The following FAM193A variants were observed in gnomAD, a reference collection of about 807,000 sequenced individuals.
The protein encoded by FAM193A is family with sequence similarity 193 member A.
FAM193A carries 22 observed loss-of-function variants against 126.5 expected under a neutral mutation model. The ratio of observed to expected loss-of-function variants is 0.17; its 90% CI spans 0.12 to 0.25. The LOEUF (loss-of-function observed/expected upper bound fraction) is 0.25. FAM193A is among the 10% of genes least tolerant of loss of function. The pLI is 1.00. For missense variants in FAM193A, 1,675 were observed against 1,672.8 expected (o/e 1.00, Z -0.02); for synonymous variants, 761 against 646.8 (o/e 1.18, Z -2.68).
chr4:2,692,408 A>G (rs1214097584), intron 15 of FAM193A, among the ~76,000 whole-genome samples: 1 of 152,188 alleles, frequency 6.6e-6, no homozygotes, highest in Non-Finnish European at 1.5e-5. Flanking sequence ...AAAATTCAAG[A>G]TGAGATTTGT....
chr4:2,681,214 T>G (rs1715074263), intron 13 of FAM193A, among the ~76,000 whole-genome samples: 1 of 152,070 alleles, frequency 6.6e-6, no homozygotes. Flanking sequence ...TTATAGTAAT[T>G]TGAGTCTTTT....
At chr4:2,646,578 G>A in intron 6 of FAM193A, 107 bp from the exon 7 acceptor site, 2 of 1,209,606 alleles carry the variant, frequency 1.7e-6, no homozygotes, top group Non-Finnish European at 2.3e-6. Flanking sequence ...TTCCACGTTG[G>A]GAGGCGAGAT....
At chr4:2,586,165 C>T (rs562841120) in intron 1 of FAM193A, among the ~76,000 whole-genome samples, 312 of 152,008 alleles carry the variant, frequency 2.1e-3, no homozygotes, top group Middle Eastern at 0.017. Context: ...ATCACTTGAA[C>T]CCAGGAGGGA....
intron 17 of FAM193A, among the ~76,000 whole-genome samples, chr4:2,695,483 G>A (rs1335515031): frequency 2.6e-5 from 4 of 152,128 alleles, no homozygotes; most frequent in Middle Eastern, 3.2e-3. Context: ...TACAGAGGGC[G>A]TTGGTACACA....
At chr4:2,698,939 T>C (rs979871464) in intron 18 of FAM193A, among the ~76,000 whole-genome samples, 5 of 152,242 alleles carry the variant, frequency 3.3e-5, no homozygotes, top group African/African-American at 1.2e-4. Flanking sequence ...AGTTCTTTAC[T>C]ACACATTGCT....
rs371353439 is a variant in FAM193A, at chr4:2,676,743, C to T, written c.2331+4371C>T. Among the ~76,000 whole-genome samples, 23 of 152,192 alleles carry T rather than the reference C, an allele frequency of 1.5e-4. No individual in the cohort carries two copies. The East Asian group carries it at 2.5e-3, about 17-fold the overall frequency. ...GGATCACGAGGTCAGGAGGTCGAGA[C>T]CATCCTGGCTAACACAGTGAAACCC... On this transcript the variant is annotated intron_variant, in intron 13 of 20. Coordinates refer to ENST00000637812, the MANE Select transcript of FAM193A (RefSeq NM_001366318.2).
chr4:2,628,183 C>T (rs546922497), intron 4 of FAM193A, among the ~76,000 whole-genome samples: 56 of 152,296 alleles, frequency 3.7e-4, no homozygotes, highest in African/African-American at 1.1e-3. Flanking sequence ...CGCGCCCCGC[C>T]GGGAGTTTTA....
intron 19 of FAM193A, among the ~76,000 whole-genome samples, chr4:2,705,251 T>C (rs1426867409): frequency 6.6e-6 from 1 of 152,226 alleles, no homozygotes. Context: ...CTTTTACTCA[T>C]GCAGTATGCT....
rs1258106272 is a variant in FAM193A, at chr4:2,662,930, A to G, written c.1838A>G (p.Asn613Ser). 1.2e-6 allele frequency: 2 copies of G among 1,613,924 alleles called. No individual in the cohort carries two copies. Among genetic ancestry groups the G allele is most frequent in the Non-Finnish European group, 8.5e-7 (1 of 1,179,776 alleles). Residue 613 changes from asparagine to serine, a missense_variant, in exon 11 of 21, where the codon AAC (asparagine) becomes AGC (serine). Asn to Ser is a conservative substitution (Grantham distance 46). This residue lies in a region of FAM193A where 1,186 missense variants were observed against 1,109.2 expected (regional missense o/e 1.07). Coordinates refer to ENST00000637812, the MANE Select transcript of FAM193A (RefSeq NM_001366318.2). ...TATGATGATACCGAGGTGGTGGCCA[A>G]CATGAATGGAATCCACAGCGAATTG... The part of the protein sequence containing the change: ...SNYDDTEVVA[N>S]MNGIHSELNG...
chr4:2,699,735 T>G lies in FAM193A; in HGVS notation c.3563T>G (p.Leu1188Arg). 1 of 1,613,690 alleles carries G rather than the reference T, an allele frequency of 6.2e-7. No homozygotes were observed. Among genetic ancestry groups the G allele is most frequent in the Non-Finnish European group, 8.5e-7 (1 of 1,179,948 alleles). The change falls in exon 19 of 21, where the codon CTC becomes CGC. Residue 1188 changes from leucine (L) to arginine (R), a missense_variant. Leu to Arg is a moderately radical substitution (Grantham distance 102). This residue lies in a region of FAM193A where 415 missense variants were observed against 396.7 expected (regional missense o/e 1.05). Coordinates refer to ENST00000637812, the MANE Select transcript of FAM193A (RefSeq NM_001366318.2). ...GCCAGGGCCCGGGAGCACCTGCACC[T>G]CCAGGAGGAGCAGAGGCGGCGGGAG... ...AEARAREHLHLQEEQRRREEE... is the reference protein window; with the variant it reads ...AEARAREHLHRQEEQRRREEE...
chr4:2,598,555 A>G (rs1001041282), intron 2 of FAM193A, among the ~76,000 whole-genome samples: 3 of 152,216 alleles, frequency 2.0e-5, no homozygotes, highest in Non-Finnish European at 4.4e-5. Flanking sequence ...GGGGTCTCAT[A>G]AAATGAGTTA....
chr4:2,685,803 G>C (rs1252642397), intron 13 of FAM193A, among the ~76,000 whole-genome samples: 1 of 152,174 alleles, frequency 6.6e-6, no homozygotes, highest in Non-Finnish European at 1.5e-5. Flanking sequence ...CTAGCTCCTG[G>C]ATAAACTCAG....
chr4:2,609,329 CG>C, intron 2 of FAM193A, among the ~76,000 whole-genome samples: 1 of 152,132 alleles, frequency 6.6e-6, no homozygotes, highest in Non-Finnish European at 1.5e-5. Context: ...GTGGGAGATA[CG>C]GTGAGGGGAT....
chr4:2,574,871 G>A (rs1447723673), intron 1 of FAM193A, among the ~76,000 whole-genome samples: 4 of 152,170 alleles, frequency 2.6e-5, no homozygotes, highest in African/African-American at 7.2e-5. Context: ...CGTATTGGAA[G>A]CATTGAAAAG....
intron 2 of FAM193A, chr4:2,615,001 A>G (rs984357497): frequency 2.6e-5 from 4 of 152,144 alleles, no homozygotes; most frequent in African/African-American, 9.7e-5. Context: ...GACTGGCTAG[A>G]TAATTTAACT....
At chr4:2,548,811 A>G (rs889847146) in intron 1 of FAM193A, among the ~76,000 whole-genome samples, 5 of 151,584 alleles carry the variant, frequency 3.3e-5, no homozygotes, top group Middle Eastern at 6.8e-3. Flanking sequence ...CCGTTTACCA[A>G]TTTTTTCTTT....
intron 13 of FAM193A, among the ~76,000 whole-genome samples, chr4:2,680,177 A>G (rs971545349): frequency 2.0e-5 from 3 of 151,896 alleles, no homozygotes; most frequent in African/African-American, 7.3e-5. Context: ...GTGGTTTTTG[A>G]TTACCAGTTC....
intron 1 of FAM193A, among the ~76,000 whole-genome samples, chr4:2,573,724 G>T (rs1462512024): frequency 6.6e-6 from 1 of 152,114 alleles, no homozygotes; most frequent in Non-Finnish European, 1.5e-5. Context: ...CTACTGCCTG[G>T]AGCTGACTTT....
intron 1 of FAM193A, among the ~76,000 whole-genome samples, chr4:2,550,478 C>T (rs1737846924): frequency 6.6e-6 from 1 of 152,136 alleles, no homozygotes; most frequent in African/African-American, 2.4e-5. Context: ...CTCTTGGTGC[C>T]CAGGCTGCAG....
Sources: allele counts gnomAD v4.1 joint callset (sites outside exome capture counted in the v4.1 genomes callset), GRCh38; gene constraint gnomAD v4.1.1; regional missense constraint gnomAD v4.1.1; transcripts MANE v1.5; gene names NCBI Gene and HGNC (gene_info 2026-07-23, HGNC 2026-07-21).